Variants in BIRC6 observed in about 807,000 individuals in gnomAD.
BIRC6 encodes the protein baculoviral IAP repeat containing 6, also known as dual E2 ubiquitin-conjugating enzyme/E3 ubiquitin-protein ligase BIRC6.
A neutral mutation model predicts 503.3 loss-of-function variants in BIRC6; 98 were observed. The ratio of observed to expected loss-of-function variants is 0.19; its 90% CI spans 0.17 to 0.23. The LOEUF (loss-of-function observed/expected upper bound fraction) is 0.23. BIRC6 is among the 10% of genes least tolerant of loss of function. The probability of loss-of-function intolerance (pLI) is 1.00; values close to 1 mark genes in which losing one functional copy is unlikely to be tolerated. For missense variants in BIRC6, 5,360 were observed against 5,806.0 expected (o/e 0.92, Z 2.50); for synonymous variants, 2,240 against 2,078.7 (o/e 1.08, Z -2.11).
chr2:32,381,932 AT>A (rs150738758), intron 3 of BIRC6, among the ~76,000 whole-genome samples: 3 of 151,394 alleles, frequency 2.0e-5, no homozygotes, highest in East Asian at 1.9e-4. Flanking sequence ...GTTGCATTGA[AT>A]TTTTTTTTGT....
chr2:32,433,339 A>G (rs1268864061), intron 12 of BIRC6, among the ~76,000 whole-genome samples: 2 of 152,232 alleles, frequency 1.3e-5, no homozygotes, highest in African/African-American at 4.8e-5. Context: ...CCCTACTCAT[A>G]GATCTAGGGT....
At chr2:32,485,049 A>G (rs1362271998) in intron 39 of BIRC6, among the ~76,000 whole-genome samples, 1 of 152,236 alleles carries the variant, frequency 6.6e-6, no homozygotes, top group Non-Finnish European at 1.5e-5. Flanking sequence ...CACCCCGGGA[A>G]TTAGTCACTT....
At chr2:32,522,014 G>C (rs1034416442) in intron 57 of BIRC6, 1 of 151,554 alleles carries the variant, frequency 6.6e-6, no homozygotes, top group South Asian at 2.1e-4. Flanking sequence ...TATAATTACA[G>C]TTACTTATTA....
chr2:32,554,146 A>G (rs1335435494), intron 65 of BIRC6, among the ~76,000 whole-genome samples: 1 of 152,216 alleles, frequency 6.6e-6, no homozygotes, highest in African/African-American at 2.4e-5. Context: ...TTTAGAAAAT[A>G]GTATGTTCCT....
At chr2:32,359,492 A>T (rs1282415829) in intron 1 of BIRC6, among the ~76,000 whole-genome samples, 5 of 152,206 alleles carry the variant, frequency 3.3e-5, no homozygotes, top group Admixed American at 2.0e-4. Flanking sequence ...GTGTAGGTAG[A>T]TAAGTAAAAT....
rs201587078 is a variant in BIRC6 at position 32,397,604 on chromosome 2, G to A, written c.1034+2011G>A. Among the ~76,000 whole-genome samples the A allele has an allele frequency of 1.5e-3, 169 of 112,028 alleles. No individual in the cohort carries two copies. In the South Asian group the frequency reaches 0.021, roughly 14 times the overall value. The allele number at this position is 112,028 out of a possible 152,430, so 73.5% of individuals were successfully genotyped here. ...TGTGTGTGTGTGTGTGTGTGTGTGTGTATATATGTGTGTATATATATATAT... is the reference window on the plus strand; with the variant it reads ...TGTGTGTGTGTGTGTGTGTGTGTGTATATATATGTGTGTATATATATATAT... On this transcript the variant is annotated intron_variant, in intron 6 of 73. Coordinates refer to ENST00000421745, the MANE Select transcript of BIRC6 (RefSeq NM_016252.4).
chr2:32,434,124 G>T (rs761687801), intron 13 of BIRC6, among the ~76,000 whole-genome samples: 4 of 152,110 alleles, frequency 2.6e-5, no homozygotes, highest in Non-Finnish European at 5.9e-5. Flanking sequence ...AGACTTAATT[G>T]TGAATAGAAC....
At chr2:32,403,114 T>A (rs2040780216) in intron 8 of BIRC6, among the ~76,000 whole-genome samples, 1 of 152,218 alleles carries the variant, frequency 6.6e-6, no homozygotes, top group African/African-American at 2.4e-5. Flanking sequence ...ATTAAGTTGA[T>A]GTGGTAGGAG....
chr2:32,601,467 G>C lies in BIRC6; in HGVS notation c.13993-1539G>C, dbSNP rs554182611. 3.3e-5 allele frequency among the ~76,000 whole-genome samples: 5 copies of C among 152,312 alleles called. No homozygotes were observed. In the South Asian group the frequency reaches 1.0e-3, roughly 32 times the overall value. ...GTGGTGGCACATGCCTGTAATCCCA[G>C]CTACTTGGGAGGCTGAGGCAGGAGA... On this transcript the variant is annotated intron_variant, in intron 70 of 73. Transcript: ENST00000421745.
At position 32,460,960 on chromosome 2, in the gene BIRC6, G is replaced by A. The variant is rs528374359; in HGVS notation, c.4754-2234G>A. 3.3e-5 allele frequency among the ~76,000 whole-genome samples: 5 copies of A among 150,742 alleles called. 1 individual carries two copies. The South Asian group carries it at 8.4e-4, about 25-fold the overall frequency. ...GCAGATGATTTTATTTTGGGACTAC[G>A]CATGTTTTATGAGATGCAATTGCTC... is the stretch of plus-strand genomic sequence containing the variant. On this transcript the variant is annotated intron_variant, in intron 23 of 73. Transcript: ENST00000421745.
intron 34 of BIRC6, among the ~76,000 whole-genome samples, chr2:32,476,811 C>G (rs937053495): frequency 6.6e-6 from 1 of 152,122 alleles, no homozygotes; most frequent in African/African-American, 2.4e-5. Flanking sequence ...GTGGTGCTCA[C>G]AAGGCTCAAA....
At chr2:32,487,175 A>T (rs2051096908) in intron 40 of BIRC6, among the ~76,000 whole-genome samples, 1 of 152,140 alleles carries the variant, frequency 6.6e-6, no homozygotes, top group Admixed American at 6.5e-5. Flanking sequence ...GGTTCCCATG[A>T]ATATATTCTC....
rs367602423 is a variant in BIRC6, at chr2:32,515,169, G to A, written c.10748G>A (p.Ser3583Asn). ...CATAGACTGTCCATGACAGATGATA[G>A]CAAAAAGCAGGATCTTAGTTCATCT... Reference protein sequence around the residue: ...CHHRLSMTDDSKKQDLSSSLT... With the variant: ...CHHRLSMTDDNKKQDLSSSLT... Residue 3583 changes from serine (S) to asparagine (N), a missense_variant, in exon 55 of 74, where the codon AGC (serine) becomes AAC (asparagine). Around this residue, in one of 16 missense-constraint regions of BIRC6, gnomAD observed 878 missense variants for 928.9 expected, o/e 0.95. Coordinates refer to ENST00000421745, the MANE Select transcript of BIRC6 (RefSeq NM_016252.4). 6.2e-7 allele frequency: 1 copy of A among 1,613,908 alleles called. No homozygotes were observed. The highest frequency in any genetic ancestry group is 2.2e-5 in the East Asian group (1 of 44,866).
chr2:32,570,790 C>T (rs777821421), intron 65 of BIRC6, among the ~76,000 whole-genome samples: 6 of 152,144 alleles, frequency 3.9e-5, no homozygotes, highest in Non-Finnish European at 8.8e-5. Flanking sequence ...TGAGCCATCA[C>T]GCTCGGCCTA....
intron 66 of BIRC6, among the ~76,000 whole-genome samples, chr2:32,579,536 A>G (rs755927122): frequency 4.5e-4 from 68 of 152,106 alleles, no homozygotes; most frequent in Non-Finnish European, 8.2e-4. Flanking sequence ...AAACATAAAA[A>G]TAAATTAGTC....
chr2:32,430,804 TC>T (rs1212202647), intron 11 of BIRC6, 60 bp from the exon 12 acceptor site: 16 of 1,039,680 alleles, frequency 1.5e-5, no homozygotes, highest in African/African-American at 8.2e-5. Context: ...TTCATTGTCT[TC>T]TTTTTTTTTT....
At chr2:32,401,701 T>A (rs1450801418) in intron 8 of BIRC6, 78 bp downstream of exon 8, 7 of 1,305,436 alleles carry the variant, frequency 5.4e-6, no homozygotes, top group Non-Finnish European at 7.3e-6. Context: ...GTTCTAATAA[T>A]TAAAGAGGAG....
chr2:32,592,814 C>T (rs748587207), intron 66 of BIRC6, among the ~76,000 whole-genome samples: 3 of 152,188 alleles, frequency 2.0e-5, no homozygotes, highest in Non-Finnish European at 2.9e-5. Context: ...AGGGTGGTCT[C>T]GAACTCCCAA....
At chr2:32,480,510 G>A (rs2050261088) in intron 37 of BIRC6, among the ~76,000 whole-genome samples, 1 of 148,190 alleles carries the variant, frequency 6.7e-6, no homozygotes, top group South Asian at 2.3e-4. Flanking sequence ...TGATGGAAAA[G>A]TAAGAGTTAT....
Sources: allele counts gnomAD v4.1 joint callset (sites outside exome capture counted in the v4.1 genomes callset), GRCh38; gene constraint gnomAD v4.1.1; regional missense constraint gnomAD v4.1.1; transcripts MANE v1.5; gene names NCBI Gene and HGNC (gene_info 2026-07-23, HGNC 2026-07-21).